Variants in TSHR observed in about 807,000 individuals in gnomAD.
TSHR encodes thyroid stimulating hormone receptor, also known as thyrotropin receptor.
In TSHR, 51 loss-of-function variants were observed where a neutral mutation model predicts 64.1. The ratio of observed to expected loss-of-function variants is 0.80; its 90% CI spans 0.64 to 1.01. The LOEUF (loss-of-function observed/expected upper bound fraction) is 1.01, where lower values mean the gene tolerates loss of function less well. TSHR is among the 50% of genes least tolerant of loss of function. The probability of loss-of-function intolerance (pLI) is 0.00; values close to 1 mark genes in which losing one functional copy is unlikely to be tolerated. For missense variants in TSHR, 877 were observed against 942.8 expected, an observed-to-expected ratio of 0.93 and a Z score of 0.91; for synonymous variants, 361 against 361.9, an observed-to-expected ratio of 1.00 and a Z score of 0.03.
chr14:81,008,175 CTTTTT>C (rs34516600), intron 1 of TSHR, among the ~76,000 whole-genome samples: 1 of 128,696 alleles, frequency 7.8e-6, no homozygotes, highest in Non-Finnish European at 1.7e-5. Flanking sequence ...TTCTTTCTTT[CTTTTT>C]TTTTTTTTTT....
intron 3 of TSHR, among the ~76,000 whole-genome samples, chr14:81,080,445 G>A (rs915809737): frequency 6.6e-6 from 1 of 152,100 alleles, no homozygotes; most frequent in Non-Finnish European, 1.5e-5. Context: ...GTAGCTGTAT[G>A]CACCTGCCAG....
chr14:80,982,106 C>T (rs1220761737), intron 1 of TSHR: 1 of 552,572 alleles, frequency 1.8e-6, no homozygotes, highest in Non-Finnish European at 3.4e-6. Context: ...TAGCCAATAC[C>T]TGGGCCAAAG....
chr14:81,112,889 G>C (rs1158793134), intron 8 of TSHR, among the ~76,000 whole-genome samples: 1 of 152,214 alleles, frequency 6.6e-6, no homozygotes, highest in Non-Finnish European at 1.5e-5. Flanking sequence ...CTCAAACAGA[G>C]TAAAGTAAAC....
Position 81,087,957 on chromosome 14 carries a change from A to C in TSHR, c.321A>C (p.Glu107Asp), listed in dbSNP as rs771512572. ...GTGTTCCTTGTAACTTATACAGAGA[A>C]ATTCGGAATACCAGGAACTTAACTT... The part of the protein sequence containing the change: ...FYNLSKVTHI[E>D]IRNTRNLTYI... The change falls in exon 4 of 10, where the codon GAA (glutamate) becomes GAC (aspartate). Residue 107 changes from glutamate (E) to aspartate (D), a missense_variant. Coordinates refer to ENST00000298171, the MANE Select transcript of TSHR (RefSeq NM_000369.5). 1.9e-6 allele frequency: 3 copies of C among 1,611,952 alleles called. No individual in the cohort carries two copies. Among genetic ancestry groups the C allele is most frequent in the South Asian group, 1.1e-5 (1 of 91,042 alleles).
At position 81,133,080 on chromosome 14, in the gene TSHR, C is replaced by T. The variant is rs910358743; in HGVS notation, c.693-6599C>T. 2.0e-5 allele frequency among the ~76,000 whole-genome samples: 3 copies of T among 152,150 alleles called. No individual in the cohort carries two copies. The East Asian group carries it at 5.8e-4, about 29-fold the overall frequency. ...AATTGGGAGACTATCAAATGTGGCT[C>T]AGTACTCAACAAGTATTTGTTCCAA... On this transcript the variant is annotated intron_variant, in intron 8 of 9. Coordinates refer to ENST00000298171, the MANE Select transcript of TSHR (RefSeq NM_000369.5).
chr14:80,990,627 G>C (rs1019397824), intron 1 of TSHR, among the ~76,000 whole-genome samples: 2 of 152,046 alleles, frequency 1.3e-5, no homozygotes, highest in African/African-American at 4.8e-5. Context: ...CAAAACTGGT[G>C]ATGGCTTTCT....
intron 3 of TSHR, among the ~76,000 whole-genome samples, chr14:81,069,381 G>A (rs953797237): frequency 1.3e-5 from 2 of 152,106 alleles, no homozygotes; most frequent in African/African-American, 2.4e-5. Flanking sequence ...TTACAAGTAT[G>A]GTAGGCTACC....
chr14:81,046,217 T>C (rs751186785), intron 1 of TSHR, among the ~76,000 whole-genome samples: 2 of 152,082 alleles, frequency 1.3e-5, no homozygotes, highest in Non-Finnish European at 2.9e-5. Flanking sequence ...AATGAGTTAG[T>C]AGCAGCAGAC....
intron 1 of TSHR, among the ~76,000 whole-genome samples, chr14:81,019,470 T>C (rs1883614741): frequency 6.6e-6 from 1 of 151,198 alleles, no homozygotes; most frequent in East Asian, 1.9e-4. Flanking sequence ...TTTTTTTTTT[T>C]TTTTTTGTAT....
intron 1 of TSHR, among the ~76,000 whole-genome samples, chr14:81,024,599 A>G (rs1449672402): frequency 1.3e-5 from 2 of 152,156 alleles, no homozygotes; most frequent in Non-Finnish European, 2.9e-5. Context: ...TCCATTTTCA[A>G]TATGAGATAA....
chr14:81,115,575 T>G (rs369742982), intron 8 of TSHR, among the ~76,000 whole-genome samples: 8,299 of 148,438 alleles, frequency 0.056, 646 homozygotes, highest in East Asian at 0.21. Context: ...GAAAGTGATG[T>G]GGAGAATGGA....
chr14:81,088,073 G>A (rs746476625), intron 4 of TSHR, 45 bp downstream of exon 4: 3 of 1,468,984 alleles, frequency 2.0e-6, no homozygotes, highest in East Asian at 2.3e-5. Flanking sequence ...GGGGGGAGGG[G>A]GTCAGATTTA....
rs199811084 is a variant in TSHR at position 80,955,639 on chromosome 14, C to T, written c.-42C>T. Reference sequence around the variant, plus strand: ...CCGAGGTGCAGAGCTGAGAATGAGGCGATTTCGGAGGATGGAGAAATAGCC... The same window carrying T: ...CCGAGGTGCAGAGCTGAGAATGAGGTGATTTCGGAGGATGGAGAAATAGCC... On this transcript the variant is annotated 5_prime_UTR_variant, in exon 1 of 10. An upstream open reading frame in the 5' UTR gains an earlier in-frame stop. Transcript: ENST00000298171. 6.2e-7 allele frequency: 1 copy of T among 1,611,440 alleles called. No individual in the cohort carries two copies. Among genetic ancestry groups the T allele is most frequent in the Admixed American group, 1.7e-5 (1 of 60,004 alleles).
intron 1 of TSHR, among the ~76,000 whole-genome samples, chr14:81,022,124 G>C (rs1174259633): frequency 7.4e-5 from 6 of 80,964 alleles, no homozygotes; most frequent in Non-Finnish European, 1.1e-4. Context: ...AAAAAAAAAA[G>C]CCAGGCGTGG....
rs936527241 is a variant in TSHR, at chr14:81,144,578, G to C, written c.*225G>C. On this transcript the variant is annotated 3_prime_UTR_variant, in exon 10 of 10. Coordinates refer to ENST00000298171, the MANE Select transcript of TSHR (RefSeq NM_000369.5). ...AGGCTACCAGCATATTTGAATGCCA[G>C]GTGAAATCAAAATAATCTACACTAT... 1.9e-5 allele frequency: 11 copies of C among 587,638 alleles called. No homozygotes were observed. The highest frequency in any genetic ancestry group is 1.7e-4 in the African/African-American group (9 of 53,582). 36.4% of individuals were successfully genotyped at this position (587,638 alleles called of 1,614,324 possible).
chr14:80,966,608 T>A (rs969825697), intron 1 of TSHR, among the ~76,000 whole-genome samples: 4 of 151,972 alleles, frequency 2.6e-5, no homozygotes, highest in Non-Finnish European at 5.9e-5. Flanking sequence ...TTTAAAAATT[T>A]AAAAAAGTAA....
chr14:81,142,223 G>A (rs1452324399), intron 9 of TSHR, among the ~76,000 whole-genome samples: 1 of 152,122 alleles, frequency 6.6e-6, no homozygotes, highest in African/African-American at 2.4e-5. Flanking sequence ...TGGAATTACA[G>A]GCACGTGCCA....
Position 81,109,079 on chromosome 14 carries a change from G to A in TSHR, c.692+627G>A, listed in dbSNP as rs563136067. ...ATTCCCTTGGTTTTGCCTCAGTTTA[G>A]AATCTCATCATTGAGCATCCACTCT... On this transcript the variant is annotated intron_variant, in intron 8 of 9. Transcript: ENST00000298171. The A allele has an allele frequency of 8.8e-6, 8 of 906,924 alleles. No homozygotes were observed. In the East Asian group the frequency reaches 4.0e-4, roughly 46 times the overall value. 56.2% of individuals were successfully genotyped at this position (906,924 alleles called of 1,614,324 possible). A position where few individuals can be genotyped will look rare whatever the true frequency, so the allele number is the denominator to read the frequency against.
Position 81,143,527 on chromosome 14 carries a change from C to T in TSHR, c.1469C>T (p.Thr490Ile). 6.2e-7 allele frequency: 1 copy of T among 1,613,628 alleles called. No individual in the cohort carries two copies. Among genetic ancestry groups the T allele is most frequent in the Non-Finnish European group, 8.5e-7 (1 of 1,180,038 alleles). The change falls in exon 10 of 10, where the codon ACA becomes ATA. Residue 490 changes from threonine (T) to isoleucine (I), a missense_variant. By Grantham distance (89) the Thr-to-Ile change is moderately conservative. Coordinates refer to ENST00000298171, the MANE Select transcript of TSHR (RefSeq NM_000369.5). Reference sequence around the variant, plus strand: ...TACAACCATGCCATCGACTGGCAGACAGGCCCTGGGTGCAACACGGCTGGT... The same window carrying T: ...TACAACCATGCCATCGACTGGCAGATAGGCCCTGGGTGCAACACGGCTGGT... ...EYYNHAIDWQ[T>I]GPGCNTAGFF... is the part of the protein sequence containing the mutation.
Sources: allele counts gnomAD v4.1 joint callset (sites outside exome capture counted in the v4.1 genomes callset), GRCh38; gene constraint gnomAD v4.1.1; transcripts MANE v1.5; gene names NCBI Gene and HGNC (gene_info 2026-07-23, HGNC 2026-07-21).